GALNT12: variants seen among roughly 807,000 people sequenced by gnomAD.
GALNT12 encodes the protein UDP-GalNAc:polypeptide N-acetylgalactosaminyltransferase 12.
A neutral mutation model predicts 55.5 loss-of-function variants in GALNT12; 45 were observed. The ratio of observed to expected loss-of-function variants is 0.81; its 90% CI spans 0.64 to 1.04. The LOEUF (loss-of-function observed/expected upper bound fraction) is 1.04, where lower values mean the gene tolerates loss of function less well. Among genes scored for constraint, GALNT12 ranks in the 50% least tolerant of loss-of-function variants. The pLI, the probability that GALNT12 is intolerant of heterozygous loss-of-function variation, is 0.00. For missense variants in GALNT12, 709 were observed against 754.8 expected (o/e 0.94, Z 0.71); for synonymous variants, 304 against 312.2 (o/e 0.97, Z 0.28).
rs1588457979 is a variant in GALNT12 at position 98,843,955 on chromosome 9, T to C, written c.1345-141T>C. 4.5e-6 allele frequency: 3 copies of C among 666,120 alleles called. No homozygotes were observed. In the East Asian group the frequency reaches 8.2e-5, roughly 18 times the overall value. The allele number at this position is 666,120 out of a possible 1,614,324, so 41.3% of individuals were successfully genotyped here. ...AAGCACTTTTAAAGCTAGAAGGTGC[T>C]GTACAGAAAAGACTCTTACCTTTGC... On this transcript the variant is annotated intron_variant, in intron 7 of 9. Coordinates refer to ENST00000375011, the MANE Select transcript of GALNT12 (RefSeq NM_024642.5).
chr9:98,814,956 A>G (rs1439064290), intron 1 of GALNT12, among the ~76,000 whole-genome samples: 1 of 152,204 alleles, frequency 6.6e-6, no homozygotes, highest in Admixed American at 6.5e-5. Context: ...CTCTGCCCTT[A>G]CAAAGCACAT....
chr9:98,849,019 GT>G lies in GALNT12; in HGVS notation c.1676del (p.Phe559SerfsTer50). 6.2e-7 allele frequency: 1 copy of G among 1,614,156 alleles called. No individual in the cohort carries two copies. The highest frequency in any genetic ancestry group is 8.5e-7 in the Non-Finnish European group (1 of 1,179,964). On this transcript the variant is annotated frameshift_variant, in exon 10 of 10. Coordinates refer to ENST00000375011, the MANE Select transcript of GALNT12 (RefSeq NM_024642.5). LOFTEE classifies it high-confidence loss of function. Reference sequence around the variant, plus strand: ...GCTGCGAGGAAGGAGTCGAGTGACAGTTTCGTTCCACTCTTACGAGACTGCA... The same window carrying G: ...GCTGCGAGGAAGGAGTCGAGTGACAGTTCGTTCCACTCTTACGAGACTGCA... The part of the protein sequence containing the change: ...VQAARKESSD[S>X]FVPLLRDCTN...
chr9:98,840,536 A>T (rs575084350), intron 7 of GALNT12, among the ~76,000 whole-genome samples: 1 of 152,168 alleles, frequency 6.6e-6, no homozygotes, highest in Non-Finnish European at 1.5e-5. Flanking sequence ...TATTTCAAAA[A>T]ACCTAAAAAA....
chr9:98,814,162 G>GTGTGTCTC (rs1348015675), intron 1 of GALNT12, among the ~76,000 whole-genome samples: 1 of 152,128 alleles, frequency 6.6e-6, no homozygotes, highest in African/African-American at 2.4e-5. Context: ...GTGTGTGTCT[G>GTGTGTCTC]TGTGTCTCTG....
rs755075072 is a variant in GALNT12, at chr9:98,823,330, G to C, written c.446G>C (p.Trp149Ser). Residue 149 changes from tryptophan to serine, a missense_variant, in exon 2 of 10, where the codon TGG becomes TCG. Physicochemically the swap from Trp to Ser is radical, Grantham distance 177. Transcript: ENST00000375011. The stretch of plus-strand genomic sequence containing the variant: ...ATCATAGCATTTTATAATGAAGCCT[G>C]GTCAACTCTCCTTCGGACAGTTTAC... ...SVIIAFYNEA[W>S]STLLRTVYSV... 7.4e-6 allele frequency: 12 copies of C among 1,613,458 alleles called. No homozygotes were observed. Among genetic ancestry groups the C allele is most frequent in the African/African-American group, 2.7e-5 (2 of 74,924 alleles).
chr9:98,821,463 T>C (rs1344803213), intron 1 of GALNT12, among the ~76,000 whole-genome samples: 5 of 151,424 alleles, frequency 3.3e-5, no homozygotes, highest in Admixed American at 2.6e-4. Context: ...CTACTAAAAA[T>C]ACAAAAACAA....
chr9:98,824,371 C>T (rs564348571), intron 2 of GALNT12, among the ~76,000 whole-genome samples: 1 of 152,256 alleles, frequency 6.6e-6, no homozygotes, highest in African/African-American at 2.4e-5. Flanking sequence ...CTCCTACTCA[C>T]TCTGGTCAAC....
At chr9:98,832,433 C>T (rs977263117) in intron 4 of GALNT12, among the ~76,000 whole-genome samples, 1 of 152,114 alleles carries the variant, frequency 6.6e-6, no homozygotes, top group Non-Finnish European at 1.5e-5. Flanking sequence ...ATAGGAGGAT[C>T]GCTTGAGTCA....
intron 9 of GALNT12, chr9:98,847,294 ATGT>A (rs1291259468): frequency 6.6e-6 from 1 of 152,230 alleles, no homozygotes; most frequent in Admixed American, 6.5e-5. Context: ...CTGCAGAAAA[ATGT>A]TGTCACTAGC....
At chr9:98,836,330 C>G (rs1836144940) in intron 5 of GALNT12, among the ~76,000 whole-genome samples, 1 of 152,148 alleles carries the variant, frequency 6.6e-6, no homozygotes, top group African/African-American at 2.4e-5. Flanking sequence ...ATATGGTGTT[C>G]TGCCCTCATA....
At chr9:98,814,690 A>G (rs1246136735) in intron 1 of GALNT12, among the ~76,000 whole-genome samples, 12 of 143,388 alleles carry the variant, frequency 8.4e-5, no homozygotes, top group Admixed American at 7.8e-4. Context: ...AGCCTGGGTG[A>G]AAAAAAAAAA....
Position 98,818,069 on chromosome 9 carries a change from T to G in GALNT12, c.372-5187T>G, listed in dbSNP as rs1835654915. On this transcript the variant is annotated intron_variant, in intron 1 of 9. Coordinates refer to ENST00000375011, the MANE Select transcript of GALNT12 (RefSeq NM_024642.5). ...TCTGTATGTCTACTATAATATTATA[T>G]ACATTTGAGAGTAAGTTATAGAAAT... Among the ~76,000 whole-genome samples, 4 of 152,344 alleles carry G rather than the reference T, an allele frequency of 2.6e-5. No homozygotes were observed. The South Asian group carries it at 8.3e-4, about 32-fold the overall frequency.
chr9:98,808,158 G>A, intron 1 of GALNT12, 89 bp downstream of exon 1: 1 of 1,094,630 alleles, frequency 9.1e-7, no homozygotes, highest in South Asian at 1.4e-5. Context: ...GGGGAGCTGG[G>A]GTCTCCAGGA....
intron 4 of GALNT12, 46 bp from the exon 5 acceptor site, chr9:98,835,203 G>A: frequency 1.0e-5 from 13 of 1,300,096 alleles, no homozygotes; most frequent in Non-Finnish European, 1.5e-5. Flanking sequence ...TAACTGTGAT[G>A]GTTTTCTGCT....
At position 98,849,421 on chromosome 9, in the gene GALNT12, A is replaced by AT. The variant is rs1244813373; in HGVS notation, c.*331dup. The stretch of plus-strand genomic sequence containing the variant: ...TTTTACAGTCGTGCCTTTTACTCTC[A>AT]TTAGCAAAAAAGATAAAGATTTTAT... On this transcript the variant is annotated 3_prime_UTR_variant, in exon 10 of 10. Transcript: ENST00000375011. The AT allele has an allele frequency of 3.8e-6, 2 of 531,172 alleles. No homozygotes were observed. Among genetic ancestry groups the AT allele is most frequent in the African/African-American group, 3.8e-5 (2 of 52,288 alleles). 32.9% of individuals were successfully genotyped at this position (531,172 alleles called of 1,614,324 possible). A position where few individuals can be genotyped will look rare whatever the true frequency, so the allele number is the denominator to read the frequency against.
chr9:98,844,326 T>G lies in GALNT12; in HGVS notation c.1458+117T>G, dbSNP rs180900507. 4.0e-6 allele frequency: 3 copies of G among 744,726 alleles called. No individual in the cohort carries two copies. The African/African-American group carries it at 5.3e-5, about 13-fold the overall frequency. 46.1% of individuals were successfully genotyped at this position (744,726 alleles called of 1,614,324 possible). ...AAATATAAAAAGTAGAAGCCTAGGG[T>G]GGCCAGACTCAGAGAGACCACTGTT... On this transcript the variant is annotated intron_variant, in intron 8 of 9. Coordinates refer to ENST00000375011, the MANE Select transcript of GALNT12 (RefSeq NM_024642.5).
At chr9:98,829,745 A>G (rs1255078740) in intron 3 of GALNT12, among the ~76,000 whole-genome samples, 1 of 152,134 alleles carries the variant, frequency 6.6e-6, no homozygotes, top group Non-Finnish European at 1.5e-5. Flanking sequence ...TGCCTTGCTT[A>G]TTTCACCTAA....
chr9:98,838,822 A>G (rs149719278), intron 6 of GALNT12, among the ~76,000 whole-genome samples: 9 of 152,348 alleles, frequency 5.9e-5, no homozygotes, highest in African/African-American at 1.9e-4. Flanking sequence ...GCAGGGTAGC[A>G]ATAAAATTCT....
At chr9:98,823,671 G>C (rs532123127) in intron 2 of GALNT12, among the ~76,000 whole-genome samples, 13 of 152,352 alleles carry the variant, frequency 8.5e-5, no homozygotes, top group Admixed American at 7.8e-4. Context: ...GGTGATGTAG[G>C]AGGTGAGGTT....
Sources: allele counts gnomAD v4.1 joint callset (sites outside exome capture counted in the v4.1 genomes callset), GRCh38; gene constraint gnomAD v4.1.1; transcripts MANE v1.5; gene names NCBI Gene and HGNC (gene_info 2026-07-23, HGNC 2026-07-21).